The following OPCML variants were observed in gnomAD, a reference collection of about 807,000 sequenced individuals.
The protein encoded by OPCML is opioid-binding protein/cell adhesion molecule.
Under a neutral mutation model 37.8 loss-of-function variants are expected in OPCML, and 13 were observed. The ratio of observed to expected loss-of-function variants is 0.34; its 90% confidence interval spans 0.22 to 0.55. The LOEUF is 0.55. OPCML is among the 20% of genes least tolerant of loss of function. OPCML has a pLI of 0.91. For synonymous variants in OPCML, 176 were observed against 168.8 expected (o/e 1.04, Z -0.33); for missense variants, 341 against 435.6 (o/e 0.78, Z 1.93).
intron 1 of OPCML, among the ~76,000 whole-genome samples, chr11:132,985,519 CCTCACACCTCTCTCTTTCAAAGGG>C (rs1435223157): frequency 6.6e-6 from 1 of 152,208 alleles, no homozygotes; most frequent in East Asian, 1.9e-4. Context: ...AGCACAGTCA[CCTCACACCTCTCTCTTTCAAAGGG>C]CTCTCACCTT....
chr11:132,768,272 A>G (rs1010887851), intron 2 of OPCML, among the ~76,000 whole-genome samples: 2 of 152,286 alleles, frequency 1.3e-5, no homozygotes, highest in Non-Finnish European at 2.9e-5. Context: ...TAGATTCTAT[A>G]ACCATCCAAA....
At chr11:133,071,476 A>AT (rs1173843163) in intron 1 of OPCML, among the ~76,000 whole-genome samples, 1 of 152,170 alleles carries the variant, frequency 6.6e-6, no homozygotes, top group Non-Finnish European at 1.5e-5. Flanking sequence ...AGTCTTGAAG[A>AT]TTTTTCTGAT....
At chr11:133,121,748 T>C (rs189855497) in intron 1 of OPCML, among the ~76,000 whole-genome samples, 113 of 152,350 alleles carry the variant, frequency 7.4e-4, no homozygotes, top group South Asian at 1.4e-3. Flanking sequence ...CATTTAAGGC[T>C]CTTGAAATCT....
In OPCML at chr11:133,475,771, G is replaced by A. The variant is rs187065356; in HGVS notation, c.61+56493C>T. On this transcript the variant is annotated intron_variant, in intron 1 of 7. Transcript: ENST00000524381. Reference sequence around the variant, plus strand: ...TTACAGAAAGCCCAGCGTGGATGGCGGATTAGGTGGCTGAGGCAGCTTCAG... The same window carrying A: ...TTACAGAAAGCCCAGCGTGGATGGCAGATTAGGTGGCTGAGGCAGCTTCAG... Among the ~76,000 whole-genome samples the A allele has an allele frequency of 2.6e-5, 4 of 152,278 alleles. No individual in the cohort carries two copies. In the East Asian group the frequency reaches 5.8e-4, roughly 22 times the overall value.
intron 3 of OPCML, among the ~76,000 whole-genome samples, chr11:132,588,276 A>C (rs1367606697): frequency 2.0e-5 from 3 of 152,166 alleles, no homozygotes; most frequent in African/African-American, 4.8e-5. Flanking sequence ...CACAGTAGCC[A>C]CAGCTGAGCA....
intron 2 of OPCML, among the ~76,000 whole-genome samples, chr11:132,701,610 A>G (rs931446304): frequency 2.0e-5 from 3 of 152,074 alleles, no homozygotes; most frequent in Non-Finnish European, 4.4e-5. Context: ...CAGCCACTCT[A>G]TGTCTTTTGA....
At chr11:133,270,745 G>T (rs1462207681) in intron 1 of OPCML, among the ~76,000 whole-genome samples, 1 of 152,102 alleles carries the variant, frequency 6.6e-6, no homozygotes, top group Non-Finnish European at 1.5e-5. Context: ...CAATTAAATT[G>T]TTCCTATATA....
chr11:132,643,724 G>T (rs1427733690), intron 3 of OPCML, among the ~76,000 whole-genome samples: 2 of 152,138 alleles, frequency 1.3e-5, no homozygotes, highest in Non-Finnish European at 2.9e-5. Context: ...CCACTTACCA[G>T]GGCTAACTCA....
chr11:133,203,874 C>G (rs538896698), intron 1 of OPCML, among the ~76,000 whole-genome samples: 8 of 151,788 alleles, frequency 5.3e-5, no homozygotes, highest in African/African-American at 1.9e-4. Context: ...CTGGCTAACA[C>G]GGTGAAACCC....
At chr11:132,882,622 G>T (rs192155291) in intron 2 of OPCML, among the ~76,000 whole-genome samples, 3 of 152,162 alleles carry the variant, frequency 2.0e-5, no homozygotes, top group Non-Finnish European at 4.4e-5. Context: ...TGTTAGCAAG[G>T]TTGAAGGTAT....
At chr11:133,096,172 T>C (rs1948999981) in intron 1 of OPCML, among the ~76,000 whole-genome samples, 2 of 151,098 alleles carry the variant, frequency 1.3e-5, no homozygotes, top group Admixed American at 6.6e-5. Flanking sequence ...GTAAGTGAAA[T>C]GAATGATAGC....
At chr11:132,905,132 C>A (rs1279853728) in intron 2 of OPCML, among the ~76,000 whole-genome samples, 4 of 151,830 alleles carry the variant, frequency 2.6e-5, no homozygotes, top group African/African-American at 4.8e-5. Context: ...ATTACATACC[C>A]ATTTTATAAT....
chr11:132,521,151 A>C (rs1229701578), intron 4 of OPCML, among the ~76,000 whole-genome samples: 1 of 151,854 alleles, frequency 6.6e-6, no homozygotes, highest in African/African-American at 2.4e-5. Context: ...GCTTTTTTTC[A>C]TGTTTTTTGG....
chr11:133,354,314 A>AATG (rs1944229167), intron 1 of OPCML, among the ~76,000 whole-genome samples: 1 of 8,554 alleles, frequency 1.2e-4, no homozygotes, highest in Non-Finnish European at 2.7e-4. Context: ...ACGTGTTGGT[A>AATG]GTGGTGGTGG....
Position 132,892,947 on chromosome 11 carries a change from T to A in OPCML, c.146+49979A>T, listed in dbSNP as rs115200932. On this transcript the variant is annotated intron_variant, in intron 2 of 7. Coordinates refer to ENST00000524381, the MANE Select transcript of OPCML (RefSeq NM_001012393.5). ...AAAACAAAGGCCCTTCCTATAGCTA[T>A]TTTCATGTACTACTCTCCTTCTCAC... Among the ~76,000 whole-genome samples the A allele has an allele frequency of 7.0e-3, 1,060 of 152,296 alleles. 14 individuals carry two copies. The highest frequency in any genetic ancestry group is 0.021 in the African/African-American group (891 of 41,562).
At chr11:133,113,676 AT>A (rs1348511068) in intron 1 of OPCML, among the ~76,000 whole-genome samples, 2 of 152,202 alleles carry the variant, frequency 1.3e-5, no homozygotes, top group Non-Finnish European at 2.9e-5. Flanking sequence ...GGATAAGGCA[AT>A]TTTGATAATG....
chr11:132,521,913 CAT>C (rs1162806606), intron 4 of OPCML, among the ~76,000 whole-genome samples: 2 of 152,136 alleles, frequency 1.3e-5, no homozygotes, highest in East Asian at 1.9e-4. Flanking sequence ...CATATAGAGT[CAT>C]ATAGGTACCA....
chr11:132,762,654 G>A (rs1417950451), intron 2 of OPCML, among the ~76,000 whole-genome samples: 1 of 152,148 alleles, frequency 6.6e-6, no homozygotes, highest in East Asian at 1.9e-4. Context: ...AATGGTGGAT[G>A]CCCGTCCCCC....
At chr11:132,937,639 G>T (rs1225331522) in intron 2 of OPCML, among the ~76,000 whole-genome samples, 1 of 147,644 alleles carries the variant, frequency 6.8e-6, no homozygotes, top group East Asian at 2.0e-4. Flanking sequence ...TGTGTGTGCT[G>T]GGGAGGCAGA....
Sources: allele counts gnomAD v4.1 joint callset (sites outside exome capture counted in the v4.1 genomes callset), GRCh38; gene constraint gnomAD v4.1.1; transcripts MANE v1.5; gene names NCBI Gene and HGNC (gene_info 2026-07-23, HGNC 2026-07-21).